The following AGO2 variants were observed in gnomAD, a reference collection of about 807,000 sequenced individuals.
AGO2 encodes argonaute RISC catalytic component 2, also known as protein argonaute-2.
In AGO2, 5 loss-of-function variants were observed where a neutral mutation model predicts 102.3. That is an observed-to-expected ratio of 0.05 (90% CI 0.03 to 0.10). AGO2 has a LOEUF of 0.10. Ranked by LOEUF, AGO2 falls within the 10% of genes least tolerant of loss-of-function variation. AGO2 has a pLI of 1.00. For synonymous variants in AGO2, 449 were observed against 473.1 expected, an observed-to-expected ratio of 0.95 and a Z score of 0.66; for missense variants, 541 against 1,183.7, an observed-to-expected ratio of 0.46 and a Z score of 7.97.
chr8:140,601,165 C>T (rs541638043), intron 1 of AGO2, among the ~76,000 whole-genome samples: 9 of 152,308 alleles, frequency 5.9e-5, no homozygotes, highest in Admixed American at 1.3e-4. Context: ...CAGGTTCCCA[C>T]GGGTTCCGAG....
At chr8:140,568,388 T>G (rs1452852154) in intron 3 of AGO2, among the ~76,000 whole-genome samples, 1 of 151,902 alleles carries the variant, frequency 6.6e-6, no homozygotes, top group Non-Finnish European at 1.5e-5. Flanking sequence ...GCACTCAGCT[T>G]GGCTATGGCC....
intron 1 of AGO2, among the ~76,000 whole-genome samples, chr8:140,625,385 C>T (rs1437565557): frequency 2.0e-5 from 3 of 152,128 alleles, no homozygotes; most frequent in East Asian, 1.9e-4. Flanking sequence ...GGATTTCAGG[C>T]GTGAGCCACT....
chr8:140,630,743 C>G (rs143073839), intron 1 of AGO2, among the ~76,000 whole-genome samples: 1 of 152,196 alleles, frequency 6.6e-6, no homozygotes, highest in African/African-American at 2.4e-5. Flanking sequence ...AGTTATCTTC[C>G]GTATTTGCCA....
intron 3 of AGO2, among the ~76,000 whole-genome samples, chr8:140,566,822 G>A (rs1433852330): frequency 6.6e-6 from 1 of 152,208 alleles, no homozygotes; most frequent in Non-Finnish European, 1.5e-5. Context: ...CGGACTGGCA[G>A]CTACTGGGTC....
intron 3 of AGO2, among the ~76,000 whole-genome samples, chr8:140,568,609 G>T (rs2073329132): frequency 6.6e-6 from 1 of 152,212 alleles, no homozygotes; most frequent in Non-Finnish European, 1.5e-5. Flanking sequence ...TGCCAGGAGG[G>T]GCCGTGCAGT....
At chr8:140,629,062 G>C (rs1420640609) in intron 1 of AGO2, among the ~76,000 whole-genome samples, 1 of 152,160 alleles carries the variant, frequency 6.6e-6, no homozygotes, top group African/African-American at 2.4e-5. Flanking sequence ...CTGCCCTCCA[G>C]ACTGGGCAAC....
intron 17 of AGO2, 122 bp from the exon 18 acceptor site, chr8:140,532,737 C>T: frequency 2.6e-6 from 3 of 1,138,166 alleles, no homozygotes; most frequent in African/African-American, 3.1e-5. Flanking sequence ...AGGCTCACGC[C>T]TGTAATCCCA....
chr8:140,613,605 C>T (rs1042254198), intron 1 of AGO2, among the ~76,000 whole-genome samples: 2 of 152,178 alleles, frequency 1.3e-5, no homozygotes, highest in African/African-American at 4.8e-5. Context: ...CTTAAAAACA[C>T]AGCAGCCCTG....
intron 17 of AGO2, 183 bp downstream of exon 17, chr8:140,535,285 C>A (rs999566459): frequency 4.9e-6 from 3 of 616,992 alleles, no homozygotes; most frequent in African/African-American, 1.8e-5. Context: ...GCTGACCCAC[C>A]CCCCAGGCCC....
intron 1 of AGO2, among the ~76,000 whole-genome samples, chr8:140,616,422 C>A (rs182182937): frequency 6.6e-6 from 1 of 152,136 alleles, no homozygotes; most frequent in Non-Finnish European, 1.5e-5. Context: ...ATTATGACAA[C>A]GACAACAATT....
chr8:140,634,883 C>T (rs1393135373), intron 1 of AGO2, among the ~76,000 whole-genome samples: 1 of 152,126 alleles, frequency 6.6e-6, no homozygotes, highest in East Asian at 1.9e-4. Flanking sequence ...GGAAAAGGGG[C>T]CGAAGAAGTG....
rs1442589430 is a variant in AGO2, at chr8:140,589,035, C to A, written c.23-3724G>T. On this transcript the variant is annotated intron_variant, in intron 1 of 18. Coordinates refer to ENST00000220592, the MANE Select transcript of AGO2 (RefSeq NM_012154.5). The surrounding 1 kb of genome is among the most constrained non-coding windows in gnomAD (Gnocchi z 4.2). Reference sequence around the variant, plus strand: ...AGGGAACAAAAAATTTCAGTATACACAGCGGACGTCAGCAGAGGTGGGCGG... The same window carrying A: ...AGGGAACAAAAAATTTCAGTATACAAAGCGGACGTCAGCAGAGGTGGGCGG... Among the ~76,000 whole-genome samples the A allele has an allele frequency of 6.6e-6, 1 of 152,254 alleles. No individual in the cohort carries two copies. The highest frequency in any genetic ancestry group is 1.5e-5 in the Non-Finnish European group (1 of 68,046).
chr8:140,564,450 C>A (rs73713190), intron 3 of AGO2, among the ~76,000 whole-genome samples: 1 of 152,140 alleles, frequency 6.6e-6, no homozygotes, highest in African/African-American at 2.4e-5. Flanking sequence ...GTTGGAACTA[C>A]GCAAGCGGAG....
At chr8:140,601,734 T>C (rs1704415516) in intron 1 of AGO2, among the ~76,000 whole-genome samples, 1 of 152,264 alleles carries the variant, frequency 6.6e-6, no homozygotes, top group Admixed American at 6.5e-5. Context: ...AGATTACTTA[T>C]AATACCTAAA....
intron 2 of AGO2, among the ~76,000 whole-genome samples, chr8:140,576,141 C>A (rs1411125732): frequency 6.6e-6 from 1 of 152,054 alleles, no homozygotes; most frequent in Non-Finnish European, 1.5e-5. Context: ...GGTGAAACCC[C>A]GTCTCTACTA....
At chr8:140,538,600 C>T (rs2072738682) in intron 16 of AGO2, among the ~76,000 whole-genome samples, 1 of 152,210 alleles carries the variant, frequency 6.6e-6, no homozygotes, top group Non-Finnish European at 1.5e-5. Flanking sequence ...CGCCACCTCT[C>T]CTCCCCTCCT....
chr8:140,597,815 G>A (rs1044936948), intron 1 of AGO2, among the ~76,000 whole-genome samples: 1 of 152,252 alleles, frequency 6.6e-6, no homozygotes, highest in South Asian at 2.1e-4. Context: ...TTTTATCAGC[G>A]AGGCAGCAAA....
At position 140,595,923 on chromosome 8, in the gene AGO2, G is replaced by A. The variant is rs1396285890; in HGVS notation, c.23-10612C>T. Among the ~76,000 whole-genome samples, 33 of 101,552 alleles carry A rather than the reference G, an allele frequency of 3.2e-4. 2 individuals carry two copies. Among genetic ancestry groups the A allele is most frequent in the African/African-American group, 1.2e-3 (31 of 25,402 alleles). 66.6% of individuals were successfully genotyped at this position (101,552 alleles called of 152,430 possible). On this transcript the variant is annotated intron_variant, in intron 1 of 18. Transcript: ENST00000220592. ...TTATGTATTATATAATATATATTATGTATATAAATTATATAATATATATTT... is the reference window on the plus strand; with the variant it reads ...TTATGTATTATATAATATATATTATATATATAAATTATATAATATATATTT...
intron 5 of AGO2, among the ~76,000 whole-genome samples, chr8:140,559,837 G>A (rs904100373): frequency 1.3e-5 from 2 of 152,200 alleles, no homozygotes; most frequent in Non-Finnish European, 2.9e-5. Context: ...GTCTGGTGTA[G>A]ATATTTCTGA....
Sources: allele counts gnomAD v4.1 joint callset (sites outside exome capture counted in the v4.1 genomes callset), GRCh38; gene constraint gnomAD v4.1.1; non-coding constraint Gnocchi (gnomAD v3.1); transcripts MANE v1.5; gene names NCBI Gene and HGNC (gene_info 2026-07-23, HGNC 2026-07-21).